The following FAT3 variants were observed in gnomAD, a reference collection of about 807,000 sequenced individuals.
The protein encoded by FAT3 is FAT atypical cadherin 3.
A neutral mutation model predicts 310.2 loss-of-function variants in FAT3; 95 were observed. The observed-to-expected ratio is 0.31, with a 90% confidence interval of 0.26 to 0.36. The LOEUF (loss-of-function observed/expected upper bound fraction) is 0.36. Among genes scored for constraint, FAT3 ranks in the 10% least tolerant of loss-of-function variants. The pLI, the probability that FAT3 is intolerant of heterozygous loss-of-function variation, is 1.00. For synonymous variants in FAT3, 2,314 were observed against 2,192.9 expected (o/e 1.06, Z -1.54); for missense variants, 5,408 against 5,715.6 (o/e 0.95, Z 1.74).
At position 92,353,162 on chromosome 11, in the gene FAT3, G is replaced by A. The variant is rs1948617310; in HGVS notation, c.1050G>A (p.Lys350=). 2.5e-6 allele frequency: 4 copies of A among 1,613,512 alleles called. No individual in the cohort carries two copies. Among genetic ancestry groups the A allele is most frequent in the Non-Finnish European group, 3.4e-6 (4 of 1,179,852 alleles). Reference sequence around the variant, plus strand: ...ATCTCACTCTTCAAGCAAAAGACAAGGGATCTCCTCAAAAATGTTCAGCAT... The same window carrying A: ...ATCTCACTCTTCAAGCAAAAGACAAAGGATCTCCTCAAAAATGTTCAGCAT... ...GYNLTLQAKD[K]GSPQKCSALK... is the part of the protein sequence containing the mutation. The change falls in exon 2 of 28, where the codon AAG becomes AAA. Residue 350 remains lysine (K), a synonymous_variant. Coordinates refer to ENST00000525166, the MANE Select transcript of FAT3 (RefSeq NM_001367949.2).
chr11:92,415,521 G>A (rs146784013), intron 2 of FAT3, among the ~76,000 whole-genome samples: 207 of 152,206 alleles, frequency 1.4e-3, no homozygotes, highest in African/African-American at 4.8e-3. Context: ...CCATCGTTTC[G>A]GAAATGTGGG....
chr11:92,864,967 A>T (rs1949202050), intron 21 of FAT3, among the ~76,000 whole-genome samples: 1 of 152,230 alleles, frequency 6.6e-6, no homozygotes, highest in African/African-American at 2.4e-5. Flanking sequence ...TCTGCAGTGG[A>T]CAGAGTAGCC....
chr11:92,723,468 C>T (rs1395680014), intron 4 of FAT3, among the ~76,000 whole-genome samples: 1 of 152,204 alleles, frequency 6.6e-6, no homozygotes, highest in Non-Finnish European at 1.5e-5. Context: ...ATTTTCCTGT[C>T]TTCTTCTGAG....
chr11:92,425,146 G>A (rs1011173473), intron 2 of FAT3, among the ~76,000 whole-genome samples: 12 of 151,966 alleles, frequency 7.9e-5, no homozygotes, highest in African/African-American at 2.2e-4. Flanking sequence ...TTCCATTGTA[G>A]TAAATAATGC....
At chr11:92,274,242 C>T (rs372425814) in intron 1 of FAT3, among the ~76,000 whole-genome samples, 1 of 151,994 alleles carries the variant, frequency 6.6e-6, no homozygotes, top group East Asian at 1.9e-4. Context: ...ATTGGTTGAG[C>T]ATAATTAAGG....
intron 2 of FAT3, among the ~76,000 whole-genome samples, chr11:92,472,510 A>G (rs540745893): frequency 2.6e-5 from 4 of 152,334 alleles, no homozygotes; most frequent in Admixed American, 1.3e-4. Flanking sequence ...GGGACGTAGT[A>G]TTTGCAGTCA....
intron 2 of FAT3, among the ~76,000 whole-genome samples, chr11:92,376,176 C>T (rs1949338632): frequency 6.6e-6 from 1 of 152,186 alleles, no homozygotes; most frequent in African/African-American, 2.4e-5. Flanking sequence ...CTCTGTCTTC[C>T]TGTGGGCTGA....
At position 92,524,693 on chromosome 11, in the gene FAT3, G is replaced by A. The variant is rs1281935094; in HGVS notation, c.3352G>A (p.Val1118Met). 1 of 1,613,870 alleles carries A rather than the reference G, an allele frequency of 6.2e-7. No individual in the cohort carries two copies. Among genetic ancestry groups the A allele is most frequent in the Admixed American group, 1.7e-5 (1 of 59,990 alleles). Residue 1118 changes from valine (V) to methionine (M), a missense_variant, in exon 3 of 28, where the codon GTG becomes ATG. Physicochemically the swap from Val to Met is conservative, Grantham distance 21 (BLOSUM62 1). This residue lies in a region of FAT3 where 4,588 missense variants were observed against 4,809.8 expected (regional missense o/e 0.95). Transcript: ENST00000525166. ...RETMGSYWLT[V>M]YATDRGVVPL... The stretch of plus-strand genomic sequence containing the variant: ...GACAATGGGGTCATACTGGCTAACA[G>A]TGTATGCCACAGACAGGGGCGTTGT...
chr11:92,774,122 G>T lies in FAT3; in HGVS notation c.4277G>T (p.Arg1426Met). Residue 1426 changes from arginine to methionine, a missense_variant, in exon 7 of 28, where the codon AGG (arginine) becomes ATG (methionine). By Grantham distance (91) the Arg-to-Met change is moderately conservative. This residue lies in a region of FAT3 where 4,588 missense variants were observed against 4,809.8 expected (regional missense o/e 0.95). Transcript: ENST00000525166. ...GCAAAACCTTTGGATGCAGAGCAGAGGTCCATCTATAATATGAGTGTGGAA... is the reference window on the plus strand; with the variant it reads ...GCAAAACCTTTGGATGCAGAGCAGATGTCCATCTATAATATGAGTGTGGAA... Reference protein sequence around the residue: ...VIAKPLDAEQRSIYNMSVEVT... With the variant: ...VIAKPLDAEQMSIYNMSVEVT... 6.2e-7 allele frequency: 1 copy of T among 1,613,668 alleles called. No individual in the cohort carries two copies. Among genetic ancestry groups the T allele is most frequent in the Non-Finnish European group, 8.5e-7 (1 of 1,179,726 alleles).
At chr11:92,350,348 G>A (rs894979649) in intron 1 of FAT3, among the ~76,000 whole-genome samples, 2 of 129,218 alleles carry the variant, frequency 1.5e-5, no homozygotes, top group African/African-American at 6.9e-5. Context: ...TTAAACTCCT[G>A]TAGGGATTTT....
intron 1 of FAT3, among the ~76,000 whole-genome samples, chr11:92,257,032 T>C (rs763436957): frequency 6.6e-6 from 1 of 152,132 alleles, no homozygotes; most frequent in Non-Finnish European, 1.5e-5. Context: ...TTTAGAACTC[T>C]GTAACCTGCT....
chr11:92,434,836 C>A (rs1323957692), intron 2 of FAT3, among the ~76,000 whole-genome samples: 1 of 152,066 alleles, frequency 6.6e-6, no homozygotes, highest in Non-Finnish European at 1.5e-5. Context: ...ATGTATTGGG[C>A]CCATATGATC....
At chr11:92,331,791 TA>T (rs1947930335) in intron 1 of FAT3, among the ~76,000 whole-genome samples, 1 of 152,228 alleles carries the variant, frequency 6.6e-6, no homozygotes. Context: ...AGTTGTTGAC[TA>T]AAAATAGTTT....
At chr11:92,647,272 G>A (rs564334072) in intron 3 of FAT3, among the ~76,000 whole-genome samples, 4 of 152,234 alleles carry the variant, frequency 2.6e-5, no homozygotes, top group African/African-American at 7.2e-5. Context: ...ATAAATAAAA[G>A]TTTGATCTTT....
At chr11:92,820,687 C>A (rs1947943859) in intron 13 of FAT3, among the ~76,000 whole-genome samples, 1 of 151,946 alleles carries the variant, frequency 6.6e-6, no homozygotes, top group Non-Finnish European at 1.5e-5. Flanking sequence ...AGCTTGACTG[C>A]AACCTCAAGA....
chr11:92,345,534 G>C (rs534240458), intron 1 of FAT3, among the ~76,000 whole-genome samples: 1 of 152,222 alleles, frequency 6.6e-6, no homozygotes, highest in East Asian at 1.9e-4. Flanking sequence ...CTCTGCAGTG[G>C]TACCCCCAAA....
intron 4 of FAT3, among the ~76,000 whole-genome samples, chr11:92,716,649 T>C (rs1944699615): frequency 6.6e-6 from 1 of 152,188 alleles, no homozygotes; most frequent in Admixed American, 6.5e-5. Context: ...GTCCATATAT[T>C]TTAATTTTCT....
At chr11:92,260,114 C>T (rs1023202785) in intron 1 of FAT3, among the ~76,000 whole-genome samples, 2 of 152,116 alleles carry the variant, frequency 1.3e-5, no homozygotes, top group African/African-American at 2.4e-5. Context: ...GTCAGCGTGA[C>T]CCGGTTTCTT....
chr11:92,726,616 A>G (rs924048414), intron 4 of FAT3, among the ~76,000 whole-genome samples: 1 of 152,136 alleles, frequency 6.6e-6, no homozygotes, highest in Non-Finnish European at 1.5e-5. Context: ...GATAAAATTT[A>G]ACATGTTGCC....
Sources: allele counts gnomAD v4.1 joint callset (sites outside exome capture counted in the v4.1 genomes callset), GRCh38; gene constraint gnomAD v4.1.1; regional missense constraint gnomAD v4.1.1; transcripts MANE v1.5; gene names NCBI Gene and HGNC (gene_info 2026-07-23, HGNC 2026-07-21).